Variants in PLPPR5 observed in about 807,000 individuals in gnomAD.
PLPPR5 encodes the protein phospholipid phosphatase related 5, also known as phospholipid phosphatase-related protein type 5.
In PLPPR5, 16 loss-of-function variants were observed where a neutral mutation model predicts 33.9. That is an observed-to-expected ratio of 0.47 (90% CI 0.32 to 0.72). The LOEUF (loss-of-function observed/expected upper bound fraction) is 0.72. PLPPR5 is among the 30% of genes least tolerant of loss of function. PLPPR5 has a pLI of 0.03. For synonymous variants in PLPPR5, 163 were observed against 150.3 expected (o/e 1.08, Z -0.62); for missense variants, 301 against 406.7 (o/e 0.74, Z 2.23).
chr1:99,001,530 A>G (rs1337748881), intron 1 of PLPPR5, among the ~76,000 whole-genome samples: 2 of 151,872 alleles, frequency 1.3e-5, no homozygotes, highest in Non-Finnish European at 2.9e-5. Context: ...TATAAAAGTG[A>G]TAAAATTCAA....
intron 5 of PLPPR5, among the ~76,000 whole-genome samples, chr1:98,894,708 C>A (rs1385999191): frequency 6.6e-6 from 1 of 152,052 alleles, no homozygotes; most frequent in African/African-American, 2.4e-5. Context: ...CTCAGGGTTC[C>A]CATTGTTGAC....
chr1:98,946,958 G>T (rs1014228724), intron 3 of PLPPR5, among the ~76,000 whole-genome samples: 5 of 151,952 alleles, frequency 3.3e-5, no homozygotes, highest in African/African-American at 1.2e-4. Flanking sequence ...TATTTATGGT[G>T]GAAGGGGCCC....
chr1:98,903,124 T>A (rs1648757218), intron 5 of PLPPR5, among the ~76,000 whole-genome samples: 1 of 152,136 alleles, frequency 6.6e-6, no homozygotes, highest in Non-Finnish European at 1.5e-5. Flanking sequence ...TCAATTTCCT[T>A]TTTTTAAACA....
Position 99,004,427 on chromosome 1 carries a change from G to C in PLPPR5, c.237+8C>G. ...CTCGGCGACGAGGGCGAGCGCCCCC[G>C]GGCTTACCACGAGCACGGGGACCCC... On this transcript the variant is annotated splice_region_variant and intron_variant, in intron 1 of 5. Transcript: ENST00000263177. The C allele has an allele frequency of 6.3e-7, 1 of 1,596,406 alleles. No individual in the cohort carries two copies. Among genetic ancestry groups the C allele is most frequent in the Non-Finnish European group, 8.5e-7 (1 of 1,170,812 alleles).
At chr1:98,929,744 T>G (rs1046322237) in intron 3 of PLPPR5, among the ~76,000 whole-genome samples, 17 of 152,220 alleles carry the variant, frequency 1.1e-4, no homozygotes, top group African/African-American at 4.1e-4. Context: ...ATCTCCAGTA[T>G]GACTCCCCCC....
intron 1 of PLPPR5, among the ~76,000 whole-genome samples, chr1:98,998,567 A>G (rs147765912): frequency 4.9e-4 from 74 of 152,296 alleles, no homozygotes; most frequent in African/African-American, 1.7e-3. Context: ...TCGAGGATAA[A>G]AGGTTTGAGA....
chr1:98,976,208 C>A (rs898947093), intron 1 of PLPPR5, among the ~76,000 whole-genome samples: 3 of 150,922 alleles, frequency 2.0e-5, no homozygotes, highest in African/African-American at 4.9e-5. Context: ...GGGAGAGAAT[C>A]CACACATAGT....
chr1:98,960,466 C>T (rs919517156), intron 1 of PLPPR5, among the ~76,000 whole-genome samples: 1 of 152,116 alleles, frequency 6.6e-6, no homozygotes, highest in African/African-American at 2.4e-5. Flanking sequence ...TGCCTCCCGA[C>T]GTGCTAGGAT....
At chr1:98,994,177 G>A (rs1267814339) in intron 1 of PLPPR5, among the ~76,000 whole-genome samples, 2 of 151,778 alleles carry the variant, frequency 1.3e-5, no homozygotes, top group Non-Finnish European at 2.9e-5. Context: ...CTGGAGAAAG[G>A]AAGGATGAGA....
At chr1:98,939,835 T>A (rs1183772266) in intron 3 of PLPPR5, among the ~76,000 whole-genome samples, 1 of 151,916 alleles carries the variant, frequency 6.6e-6, no homozygotes, top group Non-Finnish European at 1.5e-5. Context: ...TCCTGCTCAT[T>A]CCCTGAGCCT....
chr1:98,910,100 G>T (rs575405357), intron 5 of PLPPR5, among the ~76,000 whole-genome samples: 2 of 152,194 alleles, frequency 1.3e-5, no homozygotes, highest in Non-Finnish European at 2.9e-5. Context: ...GAACATAAAA[G>T]GTTATATAAG....
rs550286122 is a variant in PLPPR5 at position 98,908,954 on chromosome 1, A to C, written c.933+5832T>G. 6.6e-5 allele frequency among the ~76,000 whole-genome samples: 10 copies of C among 152,174 alleles called. No homozygotes were observed. In the South Asian group the frequency reaches 2.1e-3, roughly 32 times the overall value. On this transcript the variant is annotated intron_variant, in intron 5 of 5. Coordinates refer to ENST00000263177, the MANE Select transcript of PLPPR5 (RefSeq NM_001037317.2). The stretch of plus-strand genomic sequence containing the variant: ...GTCAATCCAATGAGGAAGCACTGGA[A>C]CCTCCTTAGAGAGCAGCTTAAATAA...
At chr1:98,907,342 C>T (rs900341098) in intron 5 of PLPPR5, among the ~76,000 whole-genome samples, 3 of 151,792 alleles carry the variant, frequency 2.0e-5, no homozygotes, top group African/African-American at 7.3e-5. Context: ...GCTGGGACTA[C>T]AGGCACATGC....
intron 5 of PLPPR5, among the ~76,000 whole-genome samples, chr1:98,902,376 C>T (rs545922578): frequency 2.0e-5 from 3 of 151,604 alleles, no homozygotes; most frequent in South Asian, 2.1e-4. Flanking sequence ...AGAATGTTTC[C>T]TGTGATTATT....
intron 3 of PLPPR5, among the ~76,000 whole-genome samples, chr1:98,946,257 T>C (rs924660360): frequency 1.1e-4 from 16 of 152,220 alleles, no homozygotes; most frequent in Non-Finnish European, 2.2e-4. Context: ...AAGGAGTTTA[T>C]AACAGTATGT....
At chr1:98,957,028 C>T (rs1171464707) in intron 1 of PLPPR5, among the ~76,000 whole-genome samples, 5 of 151,798 alleles carry the variant, frequency 3.3e-5, no homozygotes, top group African/African-American at 1.2e-4. Flanking sequence ...GAGTTCATGT[C>T]CTTTGTAGGG....
Position 98,890,384 on chromosome 1 carries a change from A to C in PLPPR5, c.*2688T>G, listed in dbSNP as rs1011779809. On this transcript the variant is annotated 3_prime_UTR_variant, in exon 6 of 6. Transcript: ENST00000263177. ...AGATATTTGGCTAGGATAGATCCTG[A>C]GAAAAGAGAGGCCCAGTTAGAAGTG... 5 of 152,648 alleles carry C rather than the reference A, an allele frequency of 3.3e-5. No individual in the cohort carries two copies. Among genetic ancestry groups the C allele is most frequent in the African/African-American group, 7.2e-5 (3 of 41,564 alleles). 9.5% of individuals were successfully genotyped at this position (152,648 alleles called of 1,614,324 possible). A position where few individuals can be genotyped will look rare whatever the true frequency, so the allele number is the denominator to read the frequency against.
Position 98,928,548 on chromosome 1 carries a change from C to CATATATATATATATAT in PLPPR5, c.622-6506_622-6491dup, listed in dbSNP as rs60624111. ...AAAAAACTATTAGAAAGTTTTAAATCATATATATATATATATATATATATG... is the reference window on the plus strand; with the variant it reads ...AAAAAACTATTAGAAAGTTTTAAATCATATATATATATATATATATATATATATATATATATATATG... On this transcript the variant is annotated intron_variant, in intron 3 of 5. Transcript: ENST00000263177. Among the ~76,000 whole-genome samples, 389 of 73,824 alleles carry CATATATATATATATAT rather than the reference C, an allele frequency of 5.3e-3. 28 individuals carry two copies. The highest frequency in any genetic ancestry group is 0.011 in the African/African-American group (274 of 24,746). 48.4% of individuals were successfully genotyped at this position (73,824 alleles called of 152,430 possible).
chr1:98,938,573 T>C (rs1451867917), intron 3 of PLPPR5, among the ~76,000 whole-genome samples: 1 of 149,512 alleles, frequency 6.7e-6, no homozygotes, highest in Non-Finnish European at 1.5e-5. Context: ...TTACTTATTA[T>C]ATATTCAAAG....
Sources: gnomAD v4.1 joint callset for allele counts (sites outside exome capture counted in the v4.1 genomes callset) on GRCh38, gnomAD v4.1.1 for gene constraint, MANE v1.5 for transcripts, NCBI Gene and HGNC (gene_info 2026-07-23, HGNC 2026-07-21) for gene names.